Variants in NUP35 observed in about 807,000 individuals in gnomAD.
NUP35 encodes nucleoporin NUP35.
In NUP35, 25 loss-of-function variants were observed where a neutral mutation model predicts 41.5. That is an observed-to-expected ratio of 0.60 (90% CI 0.44 to 0.84). NUP35 has a LOEUF of 0.84. Among genes scored for constraint, NUP35 ranks in the 40% least tolerant of loss-of-function variants. The pLI is 0.00. For synonymous variants in NUP35, 149 were observed against 130.7 expected, an observed-to-expected ratio of 1.14 and a Z score of -0.96; for missense variants, 396 against 396.6, an observed-to-expected ratio of 1.00 and a Z score of 0.01.
rs563501125 is a variant in NUP35, at chr2:183,135,854, C to G, written c.397+2231C>G. On this transcript the variant is annotated intron_variant, in intron 4 of 8. Coordinates refer to ENST00000295119, the MANE Select transcript of NUP35 (RefSeq NM_138285.5). ...CTCCAGCTTGGGTGACAGAACAAGACCCTATCTCAAGAAAAAAGTAAATAA... is the reference window on the plus strand; with the variant it reads ...CTCCAGCTTGGGTGACAGAACAAGAGCCTATCTCAAGAAAAAAGTAAATAA... Among the ~76,000 whole-genome samples, 34 of 151,780 alleles carry G rather than the reference C, an allele frequency of 2.2e-4. No individual in the cohort carries two copies. The South Asian group carries it at 6.9e-3, about 31-fold the overall frequency.
chr2:183,129,224 G>C (rs1222691287), intron 2 of NUP35, among the ~76,000 whole-genome samples: 1 of 151,882 alleles, frequency 6.6e-6, no homozygotes, highest in Non-Finnish European at 1.5e-5. Context: ...ACTTGGGGGG[G>C]AGGTTTTATA....
chr2:183,149,794 T>C (rs1685401010), intron 4 of NUP35, among the ~76,000 whole-genome samples: 1 of 152,244 alleles, frequency 6.6e-6, no homozygotes, highest in African/African-American at 2.4e-5. Flanking sequence ...TTTAATATTA[T>C]CCTGTTTCCT....
At chr2:183,157,254 A>T (rs1220056936) in intron 5 of NUP35, among the ~76,000 whole-genome samples, 190 bp from the exon 6 acceptor site, 2 of 152,192 alleles carry the variant, frequency 1.3e-5, no homozygotes, top group Non-Finnish European at 2.9e-5. Flanking sequence ...ACTAACTTTA[A>T]GGTATTTGCT....
intron 4 of NUP35, among the ~76,000 whole-genome samples, chr2:183,144,781 A>G (rs537485813): frequency 6.6e-6 from 1 of 152,344 alleles, no homozygotes; most frequent in East Asian, 1.9e-4. Context: ...GCAATTAAAC[A>G]TTAACTAGGT....
chr2:183,130,559 C>G lies in NUP35; in HGVS notation c.339+14C>G, dbSNP rs774696305. On this transcript the variant is annotated intron_variant, in intron 3 of 8. Coordinates refer to ENST00000295119, the MANE Select transcript of NUP35 (RefSeq NM_138285.5). The stretch of plus-strand genomic sequence containing the variant: ...TCAAGAAGACAGGTAATATAAATAC[C>G]CTTTTGATCCCCAATGAACAACATC... 2.5e-6 allele frequency: 4 copies of G among 1,609,442 alleles called. No homozygotes were observed. The highest frequency in any genetic ancestry group is 2.2e-5 in the East Asian group (1 of 44,848).
At chr2:183,150,174 G>T (rs796725090) in intron 4 of NUP35, among the ~76,000 whole-genome samples, 1 of 152,124 alleles carries the variant, frequency 6.6e-6, no homozygotes, top group Non-Finnish European at 1.5e-5. Flanking sequence ...CAAAGTGTTG[G>T]GATGACAGGT....
At chr2:183,128,561 C>T (rs2705722) in intron 2 of NUP35, 104 bp downstream of exon 2, 94,341 of 595,628 alleles carry the variant, frequency 0.16, 9,449 homozygotes, top group African/African-American at 0.35. Context: ...ACTTGGGCCA[C>T]ACATAAAATA....
chr2:183,142,608 G>A (rs1170523326), intron 4 of NUP35, among the ~76,000 whole-genome samples: 1 of 151,346 alleles, frequency 6.6e-6, no homozygotes, highest in Non-Finnish European at 1.5e-5. Context: ...AGCCTCCCAA[G>A]TAGCTGGGAC....
At chr2:183,154,716 T>C (rs113987816) in intron 5 of NUP35, among the ~76,000 whole-genome samples, 265 of 152,298 alleles carry the variant, frequency 1.7e-3, no homozygotes, top group African/African-American at 6.3e-3. Context: ...CTTTCCAAAC[T>C]GTTCCAACCT....
intron 5 of NUP35, among the ~76,000 whole-genome samples, chr2:183,153,016 G>A (rs1276470434): frequency 6.6e-6 from 1 of 152,168 alleles, no homozygotes; most frequent in African/African-American, 2.4e-5. Context: ...GAGGTGAAAG[G>A]CACTTCTTAC....
intron 4 of NUP35, among the ~76,000 whole-genome samples, chr2:183,144,615 A>G (rs755609961): frequency 2.8e-4 from 43 of 152,208 alleles, no homozygotes; most frequent in Non-Finnish European, 1.0e-4. Context: ...CTCTGCTTTA[A>G]TCCAGTCTTA....
At chr2:183,135,882 AT>A (rs201293498) in intron 4 of NUP35, among the ~76,000 whole-genome samples, 26 of 151,512 alleles carry the variant, frequency 1.7e-4, no homozygotes, top group African/African-American at 1.9e-4. Flanking sequence ...GTAAATAAAA[AT>A]TTAAAAAAAA....
Position 183,149,305 on chromosome 2 carries a change from A to G in NUP35, c.398-2203A>G, listed in dbSNP as rs1685384095. Among the ~76,000 whole-genome samples, 4 of 152,124 alleles carry G rather than the reference A, an allele frequency of 2.6e-5. No homozygotes were observed. The South Asian group carries it at 8.3e-4, about 32-fold the overall frequency. On this transcript the variant is annotated intron_variant, in intron 4 of 8. Coordinates refer to ENST00000295119, the MANE Select transcript of NUP35 (RefSeq NM_138285.5). The stretch of plus-strand genomic sequence containing the variant: ...AATATTTACTGCATTCAAAATTAAA[A>G]CAAAATTTAAAATTTAAGTATTAAC...
At chr2:183,145,607 A>G (rs574519455) in intron 4 of NUP35, among the ~76,000 whole-genome samples, 5 of 152,362 alleles carry the variant, frequency 3.3e-5, no homozygotes, top group African/African-American at 1.2e-4. Flanking sequence ...ATTACCTGAA[A>G]GAGAATTTTT....
In NUP35 at chr2:183,161,370, C is replaced by G. The variant is rs544135601; in HGVS notation, c.*239C>G. 1 of 326,478 alleles carries G rather than the reference C, an allele frequency of 3.1e-6. No homozygotes were observed. Among genetic ancestry groups the G allele is most frequent in the Non-Finnish European group, 5.7e-6 (1 of 174,610 alleles). The allele number at this position is 326,478 out of a possible 1,614,324, so 20.2% of individuals were successfully genotyped here. A position where few individuals can be genotyped will look rare whatever the true frequency, so the allele number is the denominator to read the frequency against. On this transcript the variant is annotated 3_prime_UTR_variant, in exon 9 of 9. Coordinates refer to ENST00000295119, the MANE Select transcript of NUP35 (RefSeq NM_138285.5). ...AAATAGGATTTTGTGCTTTCTGTAA[C>G]AGTGCATGCTTCAGCACAGAAAACT...
intron 7 of NUP35, among the ~76,000 whole-genome samples, chr2:183,159,183 T>C (rs1685779474): frequency 6.6e-6 from 1 of 152,144 alleles, no homozygotes; most frequent in African/African-American, 2.4e-5. Flanking sequence ...CCAATCCAGG[T>C]TTCCCTAAGA....
chr2:183,157,960 A>G (rs899940864), intron 6 of NUP35, among the ~76,000 whole-genome samples: 2 of 152,114 alleles, frequency 1.3e-5, no homozygotes, highest in African/African-American at 4.8e-5. Flanking sequence ...TTTTGTTGCT[A>G]GAGATTGACT....
chr2:183,120,919 T>C (rs985212899), upstream of NUP35, among the ~76,000 whole-genome samples: 2 of 152,146 alleles, frequency 1.3e-5, no homozygotes, highest in Admixed American at 6.5e-5. Flanking sequence ...ATGTTGGGTA[T>C]AGATTATTAA....
chr2:183,125,203 A>G (rs1325454381), intron 1 of NUP35, among the ~76,000 whole-genome samples: 1 of 151,814 alleles, frequency 6.6e-6, no homozygotes, highest in Non-Finnish European at 1.5e-5. Flanking sequence ...ATTCATTCCC[A>G]TTATTCATTG....
Sources: allele counts gnomAD v4.1 joint callset (sites outside exome capture counted in the v4.1 genomes callset), GRCh38; gene constraint gnomAD v4.1.1; transcripts MANE v1.5; gene names NCBI Gene and HGNC (gene_info 2026-07-23, HGNC 2026-07-21).